The following SPAG17 variants were observed in gnomAD, a reference collection of about 807,000 sequenced individuals.
SPAG17 encodes sperm-associated antigen 17.
Under a neutral mutation model 273.6 loss-of-function variants are expected in SPAG17, and 169 were observed. The ratio of observed to expected loss-of-function variants is 0.62; its 90% CI spans 0.55 to 0.70. The LOEUF (loss-of-function observed/expected upper bound fraction) is 0.70, where lower values mean the gene tolerates loss of function less well. SPAG17 is among the 30% of genes least tolerant of loss of function. The pLI is 0.00. For synonymous variants in SPAG17, 825 were observed against 873.2 expected, an observed-to-expected ratio of 0.94 and a Z score of 0.97; for missense variants, 2,557 against 2,627.8, an observed-to-expected ratio of 0.97 and a Z score of 0.59.
At chr1:118,159,971 G>T (rs1659833255) in intron 1 of SPAG17, among the ~76,000 whole-genome samples, 1 of 152,082 alleles carries the variant, frequency 6.6e-6, no homozygotes, top group South Asian at 2.1e-4. Context: ...GGTTCAAAAT[G>T]AACTTCAGAA....
chr1:118,141,303 T>C lies in SPAG17; in HGVS notation c.315+9240A>G, dbSNP rs140514829. 3.3e-5 allele frequency among the ~76,000 whole-genome samples: 5 copies of C among 152,314 alleles called. No individual in the cohort carries two copies. In the East Asian group the frequency reaches 9.6e-4, roughly 29 times the overall value. The stretch of plus-strand genomic sequence containing the variant: ...GAAACATTTCCTAAACCTTAGTCAT[T>C]GACTATCATTTGATGATTTAGCCAA... On this transcript the variant is annotated intron_variant, in intron 3 of 48. Coordinates refer to ENST00000336338, the MANE Select transcript of SPAG17 (RefSeq NM_206996.4).
At chr1:118,054,788 T>A (rs1377840294) in intron 19 of SPAG17, among the ~76,000 whole-genome samples, 1 of 151,994 alleles carries the variant, frequency 6.6e-6, no homozygotes, top group East Asian at 1.9e-4. Flanking sequence ...GGACCCAGAA[T>A]TGATAGATTA....
chr1:118,039,577 G>C (rs1334386654), intron 22 of SPAG17, 133 bp from the exon 23 acceptor site: 7 of 855,638 alleles, frequency 8.2e-6, no homozygotes, highest in Non-Finnish European at 1.1e-5. Flanking sequence ...TTCTCACTTA[G>C]GAATGGCAGC....
At chr1:118,152,771 A>G (rs1558049879) in intron 1 of SPAG17, among the ~76,000 whole-genome samples, 1 of 152,218 alleles carries the variant, frequency 6.6e-6, no homozygotes, top group Non-Finnish European at 1.5e-5. Flanking sequence ...TTTTTTAAAC[A>G]TTCTGACTTT....
rs752713821 is a variant in SPAG17, at chr1:118,025,399, C to T, written c.3748G>A (p.Glu1250Lys). ...ACCATGATGTCCCAGGTGGGTTCCT[C>T]ATCTATAACATATTGACCTAAAAAA... is the stretch of plus-strand genomic sequence containing the variant. ...QESTGQYVID[E>K]EPTWDIMVRQ... Residue 1250 changes from glutamate to lysine, a missense_variant, in exon 27 of 49, where the codon GAG (glutamate) becomes AAG (lysine). Transcript: ENST00000336338. The T allele has an allele frequency of 6.3e-7, 1 of 1,578,376 alleles. No individual in the cohort carries two copies.
chr1:118,072,369 T>A (rs913500025), intron 17 of SPAG17, among the ~76,000 whole-genome samples: 2 of 152,054 alleles, frequency 1.3e-5, no homozygotes, highest in African/African-American at 4.8e-5. Context: ...ACACATGGGA[T>A]GAAGGCAACA....
At chr1:118,083,550 A>G (rs10923489) in intron 13 of SPAG17, among the ~76,000 whole-genome samples, 88,801 of 151,786 alleles carry the variant, frequency 0.59, 26,477 homozygotes, top group African/African-American at 0.69. Context: ...ACTTTGGGAA[A>G]CCGAGGTGGG....
intron 42 of SPAG17, among the ~76,000 whole-genome samples, chr1:117,981,852 A>G (rs752414670): frequency 1.3e-5 from 2 of 152,258 alleles, no homozygotes; most frequent in Non-Finnish European, 2.9e-5. Context: ...AAATAGGTAC[A>G]ATAGGAAACA....
chr1:118,136,323 T>C (rs759040082), intron 3 of SPAG17, among the ~76,000 whole-genome samples: 2 of 152,184 alleles, frequency 1.3e-5, no homozygotes, highest in Non-Finnish European at 2.9e-5. Flanking sequence ...TTGCTTCCAG[T>C]GACTTGCATC....
At chr1:118,090,591 T>C (rs1359770104) in intron 10 of SPAG17, among the ~76,000 whole-genome samples, 2 of 152,024 alleles carry the variant, frequency 1.3e-5, no homozygotes, top group Non-Finnish European at 2.9e-5. Flanking sequence ...AAGATGGAAA[T>C]GACAGAGATG....
intron 7 of SPAG17, among the ~76,000 whole-genome samples, chr1:118,095,217 A>G (rs991593361): frequency 3.9e-5 from 6 of 152,228 alleles, no homozygotes; most frequent in Non-Finnish European, 8.8e-5. Flanking sequence ...TGAGAAGCAG[A>G]GTGCTAGAAA....
At chr1:118,088,690 G>T (rs10923491) in intron 10 of SPAG17, among the ~76,000 whole-genome samples, 11,411 of 151,760 alleles carry the variant, frequency 0.075, 598 homozygotes, top group East Asian at 0.26. Context: ...TAAAAAAAAA[G>T]TAGAGAATTT....
At chr1:118,140,371 A>G (rs1558040264) in intron 3 of SPAG17, among the ~76,000 whole-genome samples, 1 of 152,176 alleles carries the variant, frequency 6.6e-6, no homozygotes, top group Non-Finnish European at 1.5e-5. Flanking sequence ...AAAAAATGTT[A>G]AATGTTTGAG....
chr1:117,983,176 C>A (rs986256775), intron 42 of SPAG17, among the ~76,000 whole-genome samples: 1 of 152,150 alleles, frequency 6.6e-6, no homozygotes, highest in African/African-American at 2.4e-5. Context: ...AAATAGAGAG[C>A]GAGCTTGTGC....
chr1:118,167,970 T>A (rs1188934088), intron 1 of SPAG17, among the ~76,000 whole-genome samples: 1 of 152,206 alleles, frequency 6.6e-6, no homozygotes, highest in Non-Finnish European at 1.5e-5. Context: ...TCCTGCCATG[T>A]AAGACACTTC....
At position 117,987,816 on chromosome 1, in the gene SPAG17, GT is replaced by G; in HGVS notation, c.5669+17del. On this transcript the variant is annotated intron_variant, in intron 40 of 48. Coordinates refer to ENST00000336338, the MANE Select transcript of SPAG17 (RefSeq NM_206996.4). ...TGGGCCCTTTCAGGTCCTTATGTGC[GT>G]TTTGGGGTATAATTACCTCGTTTTG... 1.9e-6 allele frequency: 3 copies of G among 1,612,290 alleles called. No individual in the cohort carries two copies. The South Asian group carries it at 3.3e-5, about 18-fold the overall frequency.
rs1303244634 is a variant in SPAG17 at position 117,958,969 on chromosome 1, G to A, written c.*4830C>T. 6.2e-7 allele frequency: 1 copy of A among 1,613,876 alleles called. No individual in the cohort carries two copies. The highest frequency in any genetic ancestry group is 2.2e-5 in the East Asian group (1 of 44,868). ...CTTGTGCCAGTGATAGAAAAATTAA[G>A]GGAAACAACTATTTCAAAAGTCAGC... On this transcript the variant is annotated intron_variant, in intron 48 of 48. Coordinates refer to ENST00000336338, the MANE Select transcript of SPAG17 (RefSeq NM_206996.4).
intron 1 of SPAG17, among the ~76,000 whole-genome samples, chr1:118,174,169 A>G (rs1487605577): frequency 1.3e-5 from 2 of 152,224 alleles, no homozygotes; most frequent in African/African-American, 4.8e-5. Flanking sequence ...AATTAAAAAA[A>G]GAAAACTGTT....
intron 18 of SPAG17, among the ~76,000 whole-genome samples, chr1:118,058,838 A>C (rs1651976324): frequency 6.6e-6 from 1 of 152,212 alleles, no homozygotes; most frequent in African/African-American, 2.4e-5. Context: ...TATTAAATAC[A>C]AGGTAGAAAG....
Sources: allele counts gnomAD v4.1 joint callset (sites outside exome capture counted in the v4.1 genomes callset), GRCh38; gene constraint gnomAD v4.1.1; transcripts MANE v1.5; gene names NCBI Gene and HGNC (gene_info 2026-07-23, HGNC 2026-07-21).